The following BEND4 variants were observed in gnomAD, a reference collection of about 807,000 sequenced individuals.
BEND4 encodes BEN domain-containing protein 4.
A neutral mutation model predicts 54.7 loss-of-function variants in BEND4; 27 were observed. That is an observed-to-expected ratio of 0.49 (90% CI 0.36 to 0.68). BEND4 has a LOEUF of 0.68. Ranked by LOEUF, BEND4 falls within the 30% of genes least tolerant of loss-of-function variation. The probability of loss-of-function intolerance (pLI) is 0.00; values close to 1 mark genes in which losing one functional copy is unlikely to be tolerated. For missense variants in BEND4, 702 were observed against 697.2 expected (o/e 1.01, Z -0.08); for synonymous variants, 327 against 299.5 (o/e 1.09, Z -0.95).
chr4:42,123,702 A>AAAAAAAAAC (rs1720152998), intron 4 of BEND4, among the ~76,000 whole-genome samples: 1 of 144,478 alleles, frequency 6.9e-6, no homozygotes, highest in African/African-American at 2.6e-5. Context: ...CAGAAAAAAA[A>AAAAAAAAAC]AAAAAAAAAA....
chr4:42,125,271 G>A (rs1410169385), intron 4 of BEND4, among the ~76,000 whole-genome samples: 1 of 152,224 alleles, frequency 6.6e-6, no homozygotes, highest in Non-Finnish European at 1.5e-5. Context: ...CACAGGCTCT[G>A]TCTGAGGGAA....
chr4:42,117,710 G>A lies in BEND4; in HGVS notation c.1413C>T (p.Ser471=), dbSNP rs776252425. 12 of 1,606,984 alleles carry A rather than the reference G, an allele frequency of 7.5e-6. No individual in the cohort carries two copies. The highest frequency in any genetic ancestry group is 1.0e-5 in the Non-Finnish European group (12 of 1,176,524). ...CCGAGGGCATCCACCAATCGGGGTT[G>A]GAGGTACAATGCATCCTAATGAATT... is the stretch of plus-strand genomic sequence containing the variant. ...LREFIRMHCT[S]NPDWWMPSEE... is the part of the protein sequence containing the mutation. Residue 471 remains serine (S), a synonymous_variant, in exon 6 of 6, where the codon TCC becomes TCT. Transcript: ENST00000502486.
intron 3 of BEND4, among the ~76,000 whole-genome samples, chr4:42,141,117 T>C (rs966476970): frequency 6.6e-6 from 1 of 152,174 alleles, no homozygotes; most frequent in Admixed American, 6.5e-5. Flanking sequence ...CTACCCAGTG[T>C]CTGTCTTGCA....
At chr4:42,138,619 G>A (rs1465806593) in intron 3 of BEND4, among the ~76,000 whole-genome samples, 1 of 152,174 alleles carries the variant, frequency 6.6e-6, no homozygotes, top group Non-Finnish European at 1.5e-5. Context: ...GTAACTATGT[G>A]AGATGATAGA....
chr4:42,115,613 ATGG>A lies in BEND4; in HGVS notation c.*1902_*1904del, dbSNP rs1199872578. The A allele has an allele frequency of 6.6e-6, 1 of 152,224 alleles. No individual in the cohort carries two copies. Among genetic ancestry groups the A allele is most frequent in the Non-Finnish European group, 1.5e-5 (1 of 68,026 alleles). 9.4% of individuals were successfully genotyped at this position (152,224 alleles called of 1,614,324 possible). ...GTAAGATGGAAAAACAGATGAGGCT[ATGG>A]TGGTGTTTTTCTTCTAGCGAAGATG... is the stretch of plus-strand genomic sequence containing the variant. On this transcript the variant is annotated 3_prime_UTR_variant, in exon 6 of 6. Transcript: ENST00000502486.
At chr4:42,135,568 C>A (rs921408288) in intron 3 of BEND4, among the ~76,000 whole-genome samples, 3 of 151,906 alleles carry the variant, frequency 2.0e-5, no homozygotes, top group African/African-American at 7.3e-5. Context: ...GTCAGGAGAT[C>A]GAGACCATCC....
chr4:42,129,986 C>A (rs1263377909), intron 3 of BEND4, among the ~76,000 whole-genome samples: 1 of 152,140 alleles, frequency 6.6e-6, no homozygotes. Flanking sequence ...GAGAAAATTT[C>A]TGCAATCTAT....
chr4:42,149,994 C>T (rs917614079), intron 2 of BEND4, among the ~76,000 whole-genome samples: 1 of 151,862 alleles, frequency 6.6e-6, no homozygotes, highest in Non-Finnish European at 1.5e-5. Context: ...GAGGGGAAAA[C>T]GTCAATGAAA....
chr4:42,133,636 C>T (rs1232636273), intron 3 of BEND4, among the ~76,000 whole-genome samples: 2 of 152,190 alleles, frequency 1.3e-5, no homozygotes, highest in South Asian at 2.1e-4. Flanking sequence ...GGGTAGATCA[C>T]GTGGTCAGGA....
At chr4:42,131,547 G>A (rs533239539) in intron 3 of BEND4, among the ~76,000 whole-genome samples, 52 of 152,300 alleles carry the variant, frequency 3.4e-4, no homozygotes, top group African/African-American at 1.3e-3. Context: ...TCAGTGTGGA[G>A]GGGACAGTCC....
At chr4:42,140,115 T>A (rs189004388) in intron 3 of BEND4, among the ~76,000 whole-genome samples, 1 of 152,326 alleles carries the variant, frequency 6.6e-6, no homozygotes, top group Admixed American at 6.5e-5. Flanking sequence ...GACTTCTCCC[T>A]TTGATCAAGT....
intron 5 of BEND4, 105 bp from the exon 6 acceptor site, chr4:42,117,840 G>A: frequency 1.4e-6 from 1 of 728,606 alleles, no homozygotes; most frequent in Non-Finnish European, 2.3e-6. Flanking sequence ...AGCTCTATAA[G>A]AAAAGCTTTA....
chr4:42,151,991 G>T lies in BEND4; in HGVS notation c.153C>A (p.His51Gln). Residue 51 changes from histidine to glutamine, a missense_variant, in exon 2 of 6, where the codon CAC becomes CAA. Physicochemically the swap from His to Gln is conservative, Grantham distance 24. Coordinates refer to ENST00000502486, the MANE Select transcript of BEND4 (RefSeq NM_207406.4). ...YERPTLVELP[H>Q]VRAPPPPPPP... The stretch of plus-strand genomic sequence containing the variant: ...GCGGGGGCGGCGGGGGCGCCCGCAC[G>T]TGCGGCAGCTCCACCAGGGTGGGTC... 1 of 1,254,334 alleles carries T rather than the reference G, an allele frequency of 8.0e-7. No homozygotes were observed. The highest frequency in any genetic ancestry group is 1.0e-6 in the Non-Finnish European group (1 of 995,164). The allele number at this position is 1,254,334 out of a possible 1,614,324, so 77.7% of individuals were successfully genotyped here.
intron 3 of BEND4, among the ~76,000 whole-genome samples, chr4:42,137,205 G>A (rs928556993): frequency 1.3e-5 from 2 of 152,130 alleles, no homozygotes; most frequent in Non-Finnish European, 2.9e-5. Flanking sequence ...ATGGAGTTAT[G>A]AGGATAAAAT....
chr4:42,143,790 A>G lies in BEND4; in HGVS notation c.692T>C (p.Ile231Thr), dbSNP rs776820654. The change falls in exon 3 of 6, where the codon ATA becomes ACA. Residue 231 changes from isoleucine (I) to threonine (T), a missense_variant. Physicochemically the swap from Ile to Thr is moderately conservative, Grantham distance 89. Coordinates refer to ENST00000502486, the MANE Select transcript of BEND4 (RefSeq NM_207406.4). ...VHSQTSDNVD[I>T]EMQYMQRKQQ... ...TTTCCTTTGCATATACTGCATCTCT[A>G]TGTCTACATTGTCTGAGGTCTGACT... 1.9e-6 allele frequency: 3 copies of G among 1,610,938 alleles called. No individual in the cohort carries two copies. Among genetic ancestry groups the G allele is most frequent in the Non-Finnish European group, 2.5e-6 (3 of 1,178,350 alleles).
chr4:42,137,022 A>C (rs1182679080), intron 3 of BEND4, among the ~76,000 whole-genome samples: 1 of 152,210 alleles, frequency 6.6e-6, no homozygotes, highest in Non-Finnish European at 1.5e-5. Flanking sequence ...TTTATAGAAC[A>C]TAACGATGGT....
rs1317944764 is a variant in BEND4, at chr4:42,125,691, G to A, written c.1055-17C>T. The A allele has an allele frequency of 6.5e-7, 1 of 1,536,192 alleles. No homozygotes were observed. Among genetic ancestry groups the A allele is most frequent in the Non-Finnish European group, 8.9e-7 (1 of 1,125,596 alleles). On this transcript the variant is annotated splice_polypyrimidine_tract_variant and intron_variant, in intron 3 of 5. Transcript: ENST00000502486. ...GGCAGGGCACTGGGTGGAAGAAATG[G>A]CAACAATTACACATTGGCTATCCCG...
chr4:42,123,606 A>G (rs1454095858), intron 4 of BEND4, among the ~76,000 whole-genome samples: 1 of 148,824 alleles, frequency 6.7e-6, no homozygotes, highest in Non-Finnish European at 1.5e-5. Context: ...TGCTTTTTAT[A>G]TGACAGTATT....
At chr4:42,129,847 A>C (rs1577754339) in intron 3 of BEND4, among the ~76,000 whole-genome samples, 1 of 152,264 alleles carries the variant, frequency 6.6e-6, no homozygotes, top group African/African-American at 2.4e-5. Context: ...AGGCACAAGC[A>C]AAGATTTCAT....
Sources: gnomAD v4.1 joint callset for allele counts (sites outside exome capture counted in the v4.1 genomes callset) on GRCh38, gnomAD v4.1.1 for gene constraint, MANE v1.5 for transcripts, NCBI Gene and HGNC (gene_info 2026-07-23, HGNC 2026-07-21) for gene names.